TMED3: variants seen among roughly 807,000 people sequenced by gnomAD.
The protein encoded by TMED3 is transmembrane emp24 domain-containing protein 3.
In TMED3, 9 loss-of-function variants were observed where a neutral mutation model predicts 15.0. That is an observed-to-expected ratio of 0.60 (90% CI 0.36 to 1.04). The LOEUF (loss-of-function observed/expected upper bound fraction) is 1.04, where lower values mean the gene tolerates loss of function less well. Ranked by LOEUF, TMED3 falls within the 50% of genes least tolerant of loss-of-function variation. TMED3 has a pLI of 0.01. For missense variants in TMED3, 267 were observed against 278.9 expected (o/e 0.96, Z 0.30); for synonymous variants, 117 against 121.4 (o/e 0.96, Z 0.24).
At chr15:79,380,883 A>G (rs1387438162) in intron 2 of TMED3, among the ~76,000 whole-genome samples, 1 of 152,186 alleles carries the variant, frequency 6.6e-6, no homozygotes, top group African/African-American at 2.4e-5. Flanking sequence ...TTGTCCTTGA[A>G]GACAGTATTT....
chr15:79,359,829 G>A (rs1266357103), intron 2 of TMED3, among the ~76,000 whole-genome samples: 4 of 152,204 alleles, frequency 2.6e-5, no homozygotes, highest in South Asian at 2.1e-4. Flanking sequence ...CTGGAATAGC[G>A]AAAGCCCTAG....
intron 2 of TMED3, among the ~76,000 whole-genome samples, chr15:79,348,456 A>T (rs117905890): frequency 0.012 from 1,841 of 152,338 alleles, 83 homozygotes; most frequent in East Asian, 0.11. Flanking sequence ...GCTGATGGAA[A>T]TGCTCATATA....
chr15:79,403,028 G>A (rs768586730), intron 2 of TMED3, among the ~76,000 whole-genome samples: 5 of 151,290 alleles, frequency 3.3e-5, no homozygotes, highest in Non-Finnish European at 4.4e-5. Context: ...AGACCAGCGC[G>A]GCCAACACAG....
In TMED3 at chr15:79,340,994, G is replaced by T. The variant is rs542632351; in HGVS notation, c.417+26989G>T. On this transcript the variant is annotated intron_variant, in intron 2 of 2. Coordinates refer to the TMED3 transcript ENST00000424155. ...GGATCACTTGCATGCAGGCATTTGAGACCAGTCTGGGCAACATACTGAGGC... is the reference window on the plus strand; with the variant it reads ...GGATCACTTGCATGCAGGCATTTGATACCAGTCTGGGCAACATACTGAGGC... Among the ~76,000 whole-genome samples, 18 of 152,168 alleles carry T rather than the reference G, an allele frequency of 1.2e-4. No individual in the cohort carries two copies. In the South Asian group the frequency reaches 3.7e-3, roughly 32 times the overall value.
chr15:79,320,029 TAG>T (rs764404947), intron 2 of TMED3, among the ~76,000 whole-genome samples: 5 of 151,868 alleles, frequency 3.3e-5, no homozygotes, highest in Non-Finnish European at 7.4e-5. Flanking sequence ...GGTGGAGGAG[TAG>T]AGTCTTCTCT....
chr15:79,370,002 T>G (rs889964974), intron 2 of TMED3, among the ~76,000 whole-genome samples: 4 of 152,260 alleles, frequency 2.6e-5, no homozygotes, highest in Admixed American at 2.6e-4. Flanking sequence ...AATCCACTGT[T>G]AATTCTCAAG....
chr15:79,376,843 G>A lies in TMED3; in HGVS notation c.418-34557G>A, dbSNP rs146487372. 6.6e-5 allele frequency among the ~76,000 whole-genome samples: 10 copies of A among 152,234 alleles called. No homozygotes were observed. The East Asian group carries it at 1.9e-3, about 29-fold the overall frequency. On this transcript the variant is annotated intron_variant, in intron 2 of 2. Coordinates refer to the TMED3 transcript ENST00000424155. ...AATCATCTAGCTGGTCTAGATTTGG[G>A]TCAGTTTGGTAGTTTTTGCAGACCT...
intron 2 of TMED3, among the ~76,000 whole-genome samples, chr15:79,409,886 C>A (rs1893950205): frequency 6.6e-6 from 1 of 152,062 alleles, no homozygotes; most frequent in South Asian, 2.1e-4. Context: ...TTTTCCTGAA[C>A]TGTAAAATAA....
chr15:79,391,904 C>T (rs1041456330), intron 2 of TMED3, among the ~76,000 whole-genome samples: 3 of 152,302 alleles, frequency 2.0e-5, no homozygotes, highest in Non-Finnish European at 2.9e-5. Flanking sequence ...ATTGCTACCC[C>T]TGCTTACTTT....
chr15:79,338,217 A>G (rs1008946066), intron 2 of TMED3, among the ~76,000 whole-genome samples: 10 of 152,352 alleles, frequency 6.6e-5, no homozygotes, highest in Middle Eastern at 6.8e-3. Context: ...GGGATGGGGT[A>G]CAAAGGAGAT....
chr15:79,408,216 A>G (rs911731233), intron 2 of TMED3, among the ~76,000 whole-genome samples: 1 of 152,190 alleles, frequency 6.6e-6, no homozygotes, highest in Non-Finnish European at 1.5e-5. Context: ...ACATCACTCT[A>G]CAGAGATCTT....
chr15:79,373,946 G>C (rs1335674189), intron 2 of TMED3, among the ~76,000 whole-genome samples: 1 of 152,182 alleles, frequency 6.6e-6, no homozygotes, highest in Non-Finnish European at 1.5e-5. Context: ...TTAAGTTAAG[G>C]GAGGTTGTGG....
At chr15:79,385,496 G>T (rs73475526) in intron 2 of TMED3, among the ~76,000 whole-genome samples, 5,069 of 152,246 alleles carry the variant, frequency 0.033, 270 homozygotes, top group African/African-American at 0.11. Context: ...ACCTGGGAAG[G>T]TGGCTGCAGC....
intron 2 of TMED3, chr15:79,383,316 C>T (rs1197065796): frequency 2.7e-6 from 1 of 375,826 alleles, no homozygotes; most frequent in East Asian, 4.3e-5. Context: ...CCTTTGTGCC[C>T]TTAGATGGAG....
At chr15:79,313,036 T>G (rs1278500012) in intron 1 of TMED3, among the ~76,000 whole-genome samples, 1 of 152,208 alleles carries the variant, frequency 6.6e-6, no homozygotes, top group Non-Finnish European at 1.5e-5. Flanking sequence ...AAATTTATGT[T>G]GGACACCGTG....
At chr15:79,364,918 G>T (rs1260306135) in intron 2 of TMED3, among the ~76,000 whole-genome samples, 1 of 152,178 alleles carries the variant, frequency 6.6e-6, no homozygotes, top group Non-Finnish European at 1.5e-5. Flanking sequence ...GATACAGAAA[G>T]GTGTCACACC....
intron 2 of TMED3, among the ~76,000 whole-genome samples, chr15:79,360,888 C>T (rs1362492121): frequency 6.6e-6 from 1 of 152,134 alleles, no homozygotes; most frequent in Non-Finnish European, 1.5e-5. Context: ...CTCACGGTGT[C>T]ACCCAGGCTG....
At chr15:79,330,628 A>C (rs929003932) in intron 2 of TMED3, among the ~76,000 whole-genome samples, 4 of 152,238 alleles carry the variant, frequency 2.6e-5, no homozygotes, top group African/African-American at 9.6e-5. Context: ...TGTGGATTAA[A>C]GGCAATCCCC....
intron 2 of TMED3, among the ~76,000 whole-genome samples, chr15:79,377,795 C>T (rs537402734): frequency 1.9e-4 from 29 of 152,102 alleles, no homozygotes; most frequent in African/African-American, 5.5e-4. Flanking sequence ...TACAGGCGCC[C>T]GCCACCGCGC....
Sources: gnomAD v4.1 joint callset for allele counts (sites outside exome capture counted in the v4.1 genomes callset) on GRCh38, gnomAD v4.1.1 for gene constraint, MANE v1.5 for transcripts, NCBI Gene and HGNC (gene_info 2026-07-23, HGNC 2026-07-21) for gene names.